The following PRKCB variants were observed in gnomAD, a reference collection of about 807,000 sequenced individuals.
PRKCB encodes the protein protein kinase C beta.
Under a neutral mutation model 81.5 loss-of-function variants are expected in PRKCB, and 13 were observed. The ratio of observed to expected loss-of-function variants is 0.16; its 90% CI spans 0.10 to 0.25. PRKCB has a LOEUF of 0.25. Ranked by LOEUF, PRKCB falls within the 10% of genes least tolerant of loss-of-function variation. The pLI, the probability that PRKCB is intolerant of heterozygous loss-of-function variation, is 1.00. For missense variants in PRKCB, 509 were observed against 875.7 expected (o/e 0.58, Z 5.29); for synonymous variants, 335 against 321.4 (o/e 1.04, Z -0.45).
chr16:23,934,683 G>A (rs986459224), intron 2 of PRKCB, among the ~76,000 whole-genome samples: 5 of 152,056 alleles, frequency 3.3e-5, no homozygotes, highest in Admixed American at 6.6e-5. Flanking sequence ...TTATACGTGC[G>A]CCTAATCCCT....
chr16:24,111,613 C>A (rs1471195149), intron 7 of PRKCB, among the ~76,000 whole-genome samples: 1 of 148,430 alleles, frequency 6.7e-6, no homozygotes, highest in East Asian at 2.0e-4. Context: ...ATAGCAAGAC[C>A]CTATCTCTGC....
rs543957596 is a variant in PRKCB at position 24,183,506 on chromosome 16, G to A, written c.1534-1605G>A. Among the ~76,000 whole-genome samples the A allele has an allele frequency of 4.2e-3, 638 of 152,252 alleles. 6 individuals are homozygous for A. The highest frequency in any genetic ancestry group is 6.8e-3 in the Middle Eastern group (2 of 294). ...TCTCTGCATTTCTGATTTTGGAATAGAAATCAAAGTGGGAGATAGAGATCA... is the reference window on the plus strand; with the variant it reads ...TCTCTGCATTTCTGATTTTGGAATAAAAATCAAAGTGGGAGATAGAGATCA... On this transcript the variant is annotated intron_variant, in intron 13 of 16. Coordinates refer to ENST00000643927, the MANE Select transcript of PRKCB (RefSeq NM_002738.7).
intron 3 of PRKCB, among the ~76,000 whole-genome samples, chr16:23,995,315 C>G (rs1466125998): frequency 6.6e-6 from 1 of 152,184 alleles, no homozygotes; most frequent in Non-Finnish European, 1.5e-5. Flanking sequence ...GCAACAGGTC[C>G]AGACTGCTGT....
At chr16:23,886,953 G>T (rs1264534782) in intron 2 of PRKCB, among the ~76,000 whole-genome samples, 2 of 152,052 alleles carry the variant, frequency 1.3e-5, no homozygotes, top group African/African-American at 2.4e-5. Context: ...CTTTTCTTGG[G>T]GGGTCACTGG....
intron 2 of PRKCB, among the ~76,000 whole-genome samples, chr16:23,863,067 ATATATATATGATT>A (rs1348212820): frequency 2.8e-5 from 4 of 144,496 alleles, no homozygotes; most frequent in Non-Finnish European, 4.5e-5. Flanking sequence ...TTTTAAAATC[ATATATATATGATT>A]TATATATATG....
At chr16:23,996,632 A>G (rs977683204) in intron 3 of PRKCB, among the ~76,000 whole-genome samples, 1 of 152,188 alleles carries the variant, frequency 6.6e-6, no homozygotes, top group Non-Finnish European at 1.5e-5. Context: ...ACTGCCATTC[A>G]TGGACTTAGA....
At chr16:24,033,348 G>A (rs1247114128) in intron 4 of PRKCB, among the ~76,000 whole-genome samples, 6 of 152,210 alleles carry the variant, frequency 3.9e-5, no homozygotes. Flanking sequence ...GACAGACACA[G>A]ATGCAGGGGA....
At chr16:24,076,956 G>A (rs545317622) in intron 5 of PRKCB, among the ~76,000 whole-genome samples, 4 of 152,192 alleles carry the variant, frequency 2.6e-5, no homozygotes, top group Admixed American at 6.5e-5. Flanking sequence ...CAGTGCTTCT[G>A]TGCCTGCTGG....
chr16:24,104,209 T>C (rs1441524414), intron 7 of PRKCB, among the ~76,000 whole-genome samples: 1 of 152,244 alleles, frequency 6.6e-6, no homozygotes, highest in African/African-American at 2.4e-5. Context: ...AAACATTCTT[T>C]TTATTTCTAG....
chr16:23,996,641 G>C (rs777406412), intron 3 of PRKCB, among the ~76,000 whole-genome samples: 1 of 152,172 alleles, frequency 6.6e-6, no homozygotes, highest in African/African-American at 2.4e-5. Context: ...CATGGACTTA[G>C]AGCATGCTTT....
At chr16:24,139,697 GA>G (rs1196332278) in intron 9 of PRKCB, among the ~76,000 whole-genome samples, 2 of 152,172 alleles carry the variant, frequency 1.3e-5, no homozygotes, top group Admixed American at 1.3e-4. Context: ...CTGTCAATCT[GA>G]CCTCTGAAAT....
At chr16:24,031,454 T>C (rs1965550661) in intron 3 of PRKCB, among the ~76,000 whole-genome samples, 1 of 152,188 alleles carries the variant, frequency 6.6e-6, no homozygotes, top group African/African-American at 2.4e-5. Context: ...GGAATGGCCC[T>C]GGAGCACACA....
intron 2 of PRKCB, among the ~76,000 whole-genome samples, chr16:23,973,254 T>C (rs1459596623): frequency 1.3e-5 from 2 of 152,130 alleles, no homozygotes; most frequent in Non-Finnish European, 2.9e-5. Flanking sequence ...CAATCTTGGC[T>C]CACTGCAACC....
intron 10 of PRKCB, among the ~76,000 whole-genome samples, chr16:24,159,357 C>T (rs1052865476): frequency 6.6e-6 from 1 of 152,174 alleles, no homozygotes; most frequent in African/African-American, 2.4e-5. Flanking sequence ...TTTGTTAGTA[C>T]ATCATGTTGA....
At chr16:24,190,605 C>T (rs913407194) in intron 15 of PRKCB, among the ~76,000 whole-genome samples, 4 of 151,256 alleles carry the variant, frequency 2.6e-5, no homozygotes, top group Admixed American at 6.6e-5. Context: ...CTGCAACCTC[C>T]GCTTCCCGGG....
At position 24,117,634 on chromosome 16, in the gene PRKCB, G is replaced by A. The variant is rs533925966; in HGVS notation, c.918+4565G>A. ...GGTCCCAGAGCCAGTCATTGTCCTGGGTTTGGGTTTTCCCAGAAACAGACT... is the reference window on the plus strand; with the variant it reads ...GGTCCCAGAGCCAGTCATTGTCCTGAGTTTGGGTTTTCCCAGAAACAGACT... On this transcript the variant is annotated intron_variant, in intron 8 of 16. Coordinates refer to ENST00000643927, the MANE Select transcript of PRKCB (RefSeq NM_002738.7). Among the ~76,000 whole-genome samples, 264 of 152,250 alleles carry A rather than the reference G, an allele frequency of 1.7e-3. 11 individuals are homozygous for A. The South Asian group carries it at 0.053, about 31-fold the overall frequency.
At chr16:24,025,018 A>G (rs1409801441) in intron 3 of PRKCB, among the ~76,000 whole-genome samples, 1 of 152,102 alleles carries the variant, frequency 6.6e-6, no homozygotes, top group Non-Finnish European at 1.5e-5. Flanking sequence ...GGTGCCTACA[A>G]GTATGATCCC....
intron 5 of PRKCB, among the ~76,000 whole-genome samples, chr16:24,061,892 C>T (rs1478422364): frequency 6.8e-6 from 1 of 146,654 alleles, no homozygotes; most frequent in Non-Finnish European, 1.5e-5. Flanking sequence ...CCCCCACTCC[C>T]CCTGCACCTT....
intron 12 of PRKCB, among the ~76,000 whole-genome samples, chr16:24,180,222 C>T (rs569245572): frequency 1.5e-4 from 23 of 152,250 alleles, no homozygotes; most frequent in African/African-American, 5.5e-4. Flanking sequence ...GAATCGCAGG[C>T]GTGAGCCAAT....
Sources: allele counts gnomAD v4.1 joint callset (sites outside exome capture counted in the v4.1 genomes callset), GRCh38; gene constraint gnomAD v4.1.1; transcripts MANE v1.5; gene names NCBI Gene and HGNC (gene_info 2026-07-23, HGNC 2026-07-21).